LRRC4C: variants seen among roughly 807,000 people sequenced by gnomAD.
LRRC4C encodes the protein leucine rich repeat containing 4C.
A neutral mutation model predicts 33.6 loss-of-function variants in LRRC4C; 5 were observed. The observed-to-expected ratio is 0.15, with a 90% CI of 0.08 to 0.31. The LOEUF (loss-of-function observed/expected upper bound fraction) is 0.31, where lower values mean the gene tolerates loss of function less well. LRRC4C is among the 10% of genes least tolerant of loss of function. The pLI, the probability that LRRC4C is intolerant of heterozygous loss-of-function variation, is 1.00. For missense variants in LRRC4C, 560 were observed against 796.7 expected (o/e 0.70, Z 3.58); for synonymous variants, 329 against 302.0 (o/e 1.09, Z -0.93).
In LRRC4C at chr11:41,399,983, AT is replaced by A. The variant is rs1406077731; in HGVS notation, c.-496+59447del. ...ACATGTAAGCTAACCCAAAAGTAAA[AT>A]TCTGAAGGCAACAGAGCCAGTGAAG... On this transcript the variant is annotated intron_variant, in intron 1 of 6. Transcript: ENST00000528697. Among the ~76,000 whole-genome samples the A allele has an allele frequency of 2.0e-5, 3 of 152,086 alleles. No individual in the cohort carries two copies. In the East Asian group the frequency reaches 5.8e-4, roughly 30 times the overall value.
At chr11:41,455,484 G>A (rs888589235) in intron 1 of LRRC4C, among the ~76,000 whole-genome samples, 1 of 152,066 alleles carries the variant, frequency 6.6e-6, no homozygotes, top group Non-Finnish European at 1.5e-5. Flanking sequence ...ATATTCACAA[G>A]TAACTAAGAA....
At chr11:40,464,504 G>A (rs997444111) in intron 3 of LRRC4C, among the ~76,000 whole-genome samples, 4 of 151,890 alleles carry the variant, frequency 2.6e-5, no homozygotes, top group African/African-American at 9.7e-5. Flanking sequence ...AGATATAAAA[G>A]GCATTCAAAT....
chr11:40,974,757 A>G (rs1656072860), intron 1 of LRRC4C, among the ~76,000 whole-genome samples: 1 of 152,170 alleles, frequency 6.6e-6, no homozygotes, highest in African/African-American at 2.4e-5. Flanking sequence ...GTGTGAGTGG[A>G]TATCAAATTG....
At chr11:40,838,772 T>C (rs921198845) in intron 2 of LRRC4C, among the ~76,000 whole-genome samples, 2 of 151,936 alleles carry the variant, frequency 1.3e-5, no homozygotes, top group Admixed American at 6.6e-5. Context: ...ATTTTTGACC[T>C]TGGAAAGGTA....
chr11:40,238,368 G>T (rs747886155), intron 5 of LRRC4C, among the ~76,000 whole-genome samples: 30 of 152,080 alleles, frequency 2.0e-4, no homozygotes, highest in Non-Finnish European at 5.9e-5. Context: ...TTGGATAATG[G>T]CTAATGTTCT....
At chr11:40,293,653 C>G (rs764624580) in intron 4 of LRRC4C, 1 of 152,168 alleles carries the variant, frequency 6.6e-6, no homozygotes, top group Non-Finnish European at 1.5e-5. Flanking sequence ...AGGAAGAAAA[C>G]GGGTAAAAAA....
At chr11:41,129,957 C>T (rs1315374911) in intron 1 of LRRC4C, among the ~76,000 whole-genome samples, 1 of 151,864 alleles carries the variant, frequency 6.6e-6, no homozygotes, top group East Asian at 1.9e-4. Context: ...TCATGTAGCA[C>T]CTCTCTGCAA....
At chr11:41,417,951 T>C (rs1049292621) in intron 1 of LRRC4C, among the ~76,000 whole-genome samples, 2 of 86,162 alleles carry the variant, frequency 2.3e-5, no homozygotes, top group Admixed American at 3.3e-4. Flanking sequence ...TATACGTATA[T>C]ATACAAATAT....
intron 2 of LRRC4C, among the ~76,000 whole-genome samples, chr11:40,690,402 C>T (rs7112114): frequency 6.6e-6 from 1 of 151,792 alleles, no homozygotes; most frequent in Non-Finnish European, 1.5e-5. Flanking sequence ...AACAAGCAAA[C>T]CCTATTTATT....
At chr11:41,215,027 T>G (rs1946995116) in intron 1 of LRRC4C, among the ~76,000 whole-genome samples, 1 of 147,418 alleles carries the variant, frequency 6.8e-6, no homozygotes, top group African/African-American at 2.5e-5. Context: ...TATATATATA[T>G]ATATATATAT....
intron 3 of LRRC4C, among the ~76,000 whole-genome samples, chr11:40,594,714 A>G (rs1041201521): frequency 6.6e-6 from 1 of 152,192 alleles, no homozygotes; most frequent in Non-Finnish European, 1.5e-5. Context: ...TGTGACTGAC[A>G]TCTCTGATTT....
chr11:41,373,589 T>C (rs192423793), intron 1 of LRRC4C, among the ~76,000 whole-genome samples: 6 of 152,268 alleles, frequency 3.9e-5, no homozygotes, highest in Admixed American at 6.5e-5. Flanking sequence ...AAAATAATAC[T>C]CTCGGAATAT....
At chr11:41,098,956 A>G (rs1393330035) in intron 1 of LRRC4C, among the ~76,000 whole-genome samples, 1 of 152,060 alleles carries the variant, frequency 6.6e-6, no homozygotes, top group Non-Finnish European at 1.5e-5. Context: ...AATAATAAAG[A>G]AGAAAAGAGA....
chr11:40,239,902 C>A (rs192705738), intron 5 of LRRC4C, among the ~76,000 whole-genome samples: 1 of 152,254 alleles, frequency 6.6e-6, no homozygotes, highest in East Asian at 1.9e-4. Context: ...GACATAAAAC[C>A]TTCCTACACA....
chr11:40,207,897 A>C (rs895904878), intron 5 of LRRC4C, among the ~76,000 whole-genome samples: 1 of 152,170 alleles, frequency 6.6e-6, no homozygotes, highest in Admixed American at 6.5e-5. Context: ...TACATATGGC[A>C]GTCAGAGGTA....
chr11:40,430,744 G>A (rs911451304), intron 3 of LRRC4C, among the ~76,000 whole-genome samples: 1 of 151,766 alleles, frequency 6.6e-6, no homozygotes, highest in Admixed American at 6.6e-5. Context: ...GTGATGTTAC[G>A]TCAAATAAAG....
chr11:40,250,120 T>A (rs1259210500), intron 4 of LRRC4C, among the ~76,000 whole-genome samples: 1 of 152,184 alleles, frequency 6.6e-6, no homozygotes, highest in Non-Finnish European at 1.5e-5. Context: ...TGGATCCTTG[T>A]TATCGATGAA....
intron 1 of LRRC4C, among the ~76,000 whole-genome samples, chr11:41,187,216 C>A (rs1034353942): frequency 6.6e-6 from 1 of 152,130 alleles, no homozygotes; most frequent in Non-Finnish European, 1.5e-5. Context: ...TGTTTTCATG[C>A]CCAAATGTTG....
At chr11:40,292,680 T>C (rs1944277389) in intron 4 of LRRC4C, 1 of 151,356 alleles carries the variant, frequency 6.6e-6, no homozygotes, top group Non-Finnish European at 1.5e-5. Flanking sequence ...ACAGCTGCTT[T>C]AAGATTATTT....
Sources: allele counts gnomAD v4.1 joint callset (sites outside exome capture counted in the v4.1 genomes callset), GRCh38; gene constraint gnomAD v4.1.1; transcripts MANE v1.5; gene names NCBI Gene and HGNC (gene_info 2026-07-23, HGNC 2026-07-21).